ENOX1: variants seen among roughly 807,000 people sequenced by gnomAD.
ENOX1 encodes the protein candidate growth-related and time keeping constitutive hydroquinone (NADH) oxidase.
A neutral mutation model predicts 82.5 loss-of-function variants in ENOX1; 42 were observed. The observed-to-expected ratio is 0.51, with a 90% CI of 0.40 to 0.66. The LOEUF (loss-of-function observed/expected upper bound fraction) is 0.66. Ranked by LOEUF, ENOX1 falls within the 30% of genes least tolerant of loss-of-function variation. The pLI, the probability that ENOX1 is intolerant of heterozygous loss-of-function variation, is 0.00. For synonymous variants in ENOX1, 271 were observed against 282.2 expected (o/e 0.96, Z 0.40); for missense variants, 608 against 811.6 (o/e 0.75, Z 3.05).
At chr13:43,227,277 C>A (rs1033734467) in intron 15 of ENOX1, among the ~76,000 whole-genome samples, 2 of 152,190 alleles carry the variant, frequency 1.3e-5, no homozygotes, top group Non-Finnish European at 2.9e-5. Flanking sequence ...CCACTGTCTA[C>A]TACCTTTCAA....
intron 1 of ENOX1, among the ~76,000 whole-genome samples, chr13:43,721,564 G>A (rs1039444968): frequency 5.9e-5 from 9 of 151,652 alleles, no homozygotes; most frequent in Admixed American, 1.3e-4. Context: ...GTTTTTAGTA[G>A]AGACGGGGTT....
At chr13:43,413,912 A>G (rs1249739837) in intron 3 of ENOX1, among the ~76,000 whole-genome samples, 1 of 151,846 alleles carries the variant, frequency 6.6e-6, no homozygotes, top group African/African-American at 2.4e-5. Context: ...CAAAACTCAG[A>G]TGAGTGGCAT....
chr13:43,287,210 G>A (rs1284177936), intron 12 of ENOX1, among the ~76,000 whole-genome samples: 1 of 152,160 alleles, frequency 6.6e-6, no homozygotes, highest in Non-Finnish European at 1.5e-5. Context: ...TGAGTTAACT[G>A]GAGAGACTGG....
intron 3 of ENOX1, among the ~76,000 whole-genome samples, chr13:43,420,513 G>C (rs2054910838): frequency 6.6e-6 from 1 of 152,192 alleles, no homozygotes; most frequent in Non-Finnish European, 1.5e-5. Context: ...TTATTGTTAA[G>C]GGAGGTGAGT....
chr13:43,506,253 C>A (rs1438361423), intron 2 of ENOX1, among the ~76,000 whole-genome samples: 1 of 151,878 alleles, frequency 6.6e-6, no homozygotes, highest in Non-Finnish European at 1.5e-5. Context: ...CATTACTGGC[C>A]ATCAGAGAAA....
chr13:43,782,980 A>T (rs1376779283), intron 1 of ENOX1, among the ~76,000 whole-genome samples: 1 of 152,130 alleles, frequency 6.6e-6, no homozygotes, highest in Non-Finnish European at 1.5e-5. Context: ...CACCCCACAA[A>T]CCTTAAAGAG....
chr13:43,379,948 T>C (rs577903275), intron 5 of ENOX1, among the ~76,000 whole-genome samples: 4 of 151,950 alleles, frequency 2.6e-5, no homozygotes, highest in Non-Finnish European at 5.9e-5. Flanking sequence ...GGAACTAAGA[T>C]AAAAATAAGA....
chr13:43,763,086 C>G (rs1462728510), intron 1 of ENOX1, among the ~76,000 whole-genome samples: 3 of 152,202 alleles, frequency 2.0e-5, no homozygotes, highest in African/African-American at 7.2e-5. Context: ...ATTCAACCTT[C>G]TTACTTTTCA....
At chr13:43,679,244 G>A (rs188073171) in intron 1 of ENOX1, among the ~76,000 whole-genome samples, 124 of 152,262 alleles carry the variant, frequency 8.1e-4, no homozygotes, top group African/African-American at 2.7e-3. Flanking sequence ...CGTACCAAAT[G>A]TTCCCAGATT....
intron 2 of ENOX1, among the ~76,000 whole-genome samples, chr13:43,583,585 T>A (rs2080845833): frequency 6.6e-6 from 1 of 152,164 alleles, no homozygotes; most frequent in Non-Finnish European, 1.5e-5. Context: ...GTTCTAAATA[T>A]CCTATCTACC....
intron 7 of ENOX1, 128 bp from the exon 8 acceptor site, chr13:43,356,280 T>C (rs1018381192): frequency 2.6e-6 from 2 of 757,224 alleles, no homozygotes; most frequent in Non-Finnish European, 4.3e-6. Context: ...ACATTTCCCA[T>C]AGGAAGCGGG....
chr13:43,490,547 T>A (rs956864079), intron 2 of ENOX1, among the ~76,000 whole-genome samples: 3 of 152,098 alleles, frequency 2.0e-5, no homozygotes, highest in Non-Finnish European at 4.4e-5. Context: ...ATTAAGAAAT[T>A]GGGCTTTTAA....
At chr13:43,765,804 G>C (rs912502457) in intron 1 of ENOX1, among the ~76,000 whole-genome samples, 3 of 152,094 alleles carry the variant, frequency 2.0e-5, no homozygotes, top group African/African-American at 7.2e-5. Context: ...ATCCAAAGAT[G>C]CAATGATGCT....
chr13:43,389,928 G>A (rs1357893261), intron 5 of ENOX1, among the ~76,000 whole-genome samples: 3 of 152,282 alleles, frequency 2.0e-5, no homozygotes, highest in Non-Finnish European at 4.4e-5. Context: ...GACAGAGGGG[G>A]AGAAGGGGAG....
chr13:43,703,994 T>G (rs567570438), intron 1 of ENOX1, among the ~76,000 whole-genome samples: 1 of 152,092 alleles, frequency 6.6e-6, no homozygotes, highest in Admixed American at 6.5e-5. Flanking sequence ...ACAGGGATGG[T>G]GAAAGACACC....
At chr13:43,654,675 CA>C (rs2084348830) in intron 2 of ENOX1, among the ~76,000 whole-genome samples, 1 of 152,120 alleles carries the variant, frequency 6.6e-6, no homozygotes, top group Non-Finnish European at 1.5e-5. Context: ...AAAGAATTTC[CA>C]TAGTCAACCC....
intron 2 of ENOX1, among the ~76,000 whole-genome samples, chr13:43,515,641 C>T (rs4512996): frequency 0.01 from 1,581 of 152,270 alleles, 31 homozygotes; most frequent in African/African-American, 0.036. Context: ...AAATTACACA[C>T]AAGATGTGAT....
intron 14 of ENOX1, among the ~76,000 whole-genome samples, chr13:43,251,646 A>T (rs1487193401): frequency 6.6e-6 from 1 of 152,212 alleles, no homozygotes; most frequent in Non-Finnish European, 1.5e-5. Context: ...AGGTAGGCTT[A>T]AAAACAGGCA....
At chr13:43,311,055 A>AG (rs1467428055) in intron 11 of ENOX1, among the ~76,000 whole-genome samples, 40 of 152,068 alleles carry the variant, frequency 2.6e-4, no homozygotes, top group African/African-American at 8.7e-4. Flanking sequence ...CACAGAGGGG[A>AG]GGGGGCACCA....
Sources: gnomAD v4.1 joint callset for allele counts (sites outside exome capture counted in the v4.1 genomes callset) on GRCh38, gnomAD v4.1.1 for gene constraint, MANE v1.5 for transcripts, NCBI Gene and HGNC (gene_info 2026-07-23, HGNC 2026-07-21) for gene names.